The following FGF14 variants were observed in gnomAD, a reference collection of about 807,000 sequenced individuals.
FGF14 encodes fibroblast growth factor 14.
Under a neutral mutation model 25.5 loss-of-function variants are expected in FGF14, and 5 were observed. That is an observed-to-expected ratio of 0.20 (90% confidence interval 0.10 to 0.41). The LOEUF is 0.41. Ranked by LOEUF, FGF14 falls within the 10% of genes least tolerant of loss-of-function variation. The probability of loss-of-function intolerance (pLI) is 1.00; values close to 1 mark genes in which losing one functional copy is unlikely to be tolerated. For missense variants in FGF14, 222 were observed against 320.1 expected, an observed-to-expected ratio of 0.69 and a Z score of 2.34; for synonymous variants, 138 against 118.3, an observed-to-expected ratio of 1.17 and a Z score of -1.08.
intron 1 of FGF14, among the ~76,000 whole-genome samples, chr13:101,896,762 T>C (rs2030746342): frequency 6.6e-6 from 1 of 152,174 alleles, no homozygotes; most frequent in Non-Finnish European, 1.5e-5. Context: ...AATGATGCAA[T>C]GCTGCATCAA....
chr13:101,733,928 A>G (rs1023795843), intron 3 of FGF14, among the ~76,000 whole-genome samples: 1 of 151,582 alleles, frequency 6.6e-6, no homozygotes, highest in African/African-American at 2.4e-5. Context: ...TTTGATTTGA[A>G]TTTTCACTTA....
intron 3 of FGF14, among the ~76,000 whole-genome samples, chr13:101,855,903 G>GTT (rs11446357): frequency 0.27 from 39,057 of 147,278 alleles, 6,283 homozygotes; most frequent in South Asian, 0.38. Context: ...ATTCCTACAA[G>GTT]TTTTTTTTTT....
intron 1 of FGF14, among the ~76,000 whole-genome samples, chr13:101,969,152 G>A (rs898349314): frequency 3.3e-5 from 5 of 152,292 alleles, no homozygotes; most frequent in African/African-American, 1.2e-4. Flanking sequence ...GGACTGCCTA[G>A]GTCTTCATAA....
chr13:102,275,317 T>G (rs1254896498), intron 1 of FGF14, among the ~76,000 whole-genome samples: 1 of 149,536 alleles, frequency 6.7e-6, no homozygotes, highest in Non-Finnish European at 1.5e-5. Flanking sequence ...GGGGTCATAT[T>G]TGTTTTGGTA....
At chr13:101,828,563 T>C (rs993921343) in intron 3 of FGF14, among the ~76,000 whole-genome samples, 2 of 151,728 alleles carry the variant, frequency 1.3e-5, no homozygotes, top group Non-Finnish European at 2.9e-5. Flanking sequence ...AGTTTCCAAA[T>C]TGAAGACTGA....
chr13:102,079,047 C>T (rs2043496424), intron 1 of FGF14, among the ~76,000 whole-genome samples: 1 of 152,176 alleles, frequency 6.6e-6, no homozygotes, highest in Admixed American at 6.5e-5. Flanking sequence ...ATTTAGGTTG[C>T]AGTCAGAGCT....
At chr13:101,819,244 AAAG>A (rs2041994161) in intron 3 of FGF14, among the ~76,000 whole-genome samples, 1 of 152,194 alleles carries the variant, frequency 6.6e-6, no homozygotes, top group South Asian at 2.1e-4. Context: ...TAAATCATCT[AAAG>A]AAGGGCAGCA....
At chr13:102,018,829 T>C (rs2040485684) in intron 1 of FGF14, among the ~76,000 whole-genome samples, 1 of 152,160 alleles carries the variant, frequency 6.6e-6, no homozygotes, top group Non-Finnish European at 1.5e-5. Flanking sequence ...TTTTTTAAAA[T>C]GAGCTACATC....
chr13:102,201,547 A>G (rs2049652067), intron 1 of FGF14, among the ~76,000 whole-genome samples: 1 of 152,202 alleles, frequency 6.6e-6, no homozygotes, highest in South Asian at 2.1e-4. Flanking sequence ...AATCGTCTCC[A>G]GGGCAGATAA....
At chr13:102,070,874 A>G (rs2043125680) in intron 1 of FGF14, among the ~76,000 whole-genome samples, 1 of 152,186 alleles carries the variant, frequency 6.6e-6, no homozygotes, top group Admixed American at 6.5e-5. Flanking sequence ...ATGAAGCCGA[A>G]ACTACAACAA....
chr13:102,195,394 A>G (rs2140848162), intron 1 of FGF14, among the ~76,000 whole-genome samples: 1 of 152,292 alleles, frequency 6.6e-6, no homozygotes. Context: ...AATTTTATAT[A>G]CCACTGACAT....
intron 1 of FGF14, among the ~76,000 whole-genome samples, chr13:101,929,516 T>C (rs1054045246): frequency 4.6e-5 from 7 of 152,160 alleles, no homozygotes; most frequent in Non-Finnish European, 8.8e-5. Context: ...TAGAACCAGC[T>C]GAGGTAATAA....
At chr13:102,395,187 G>T (rs1304944376) in intron 1 of FGF14, 1 of 152,222 alleles carries the variant, frequency 6.6e-6, no homozygotes, top group Non-Finnish European at 1.5e-5. Flanking sequence ...CTTTACTAAT[G>T]AGAGTTCCAG....
chr13:101,809,370 A>G (rs770598750), intron 3 of FGF14, among the ~76,000 whole-genome samples: 5 of 152,122 alleles, frequency 3.3e-5, no homozygotes, highest in Non-Finnish European at 7.4e-5. Context: ...CTCATGTCCT[A>G]TCTGTAGATG....
intron 1 of FGF14, among the ~76,000 whole-genome samples, chr13:102,124,719 A>G (rs1020980233): frequency 1.3e-5 from 2 of 151,972 alleles, no homozygotes; most frequent in Non-Finnish European, 2.9e-5. Flanking sequence ...GAGGCTTCCA[A>G]TGTTTTCCTT....
intron 2 of FGF14, among the ~76,000 whole-genome samples, chr13:101,872,202 T>A (rs2045133109): frequency 1.3e-5 from 2 of 151,854 alleles, no homozygotes; most frequent in East Asian, 2.0e-4. Context: ...TTAAAATTAT[T>A]TTTGCTAGTT....
intron 1 of FGF14, among the ~76,000 whole-genome samples, chr13:102,299,493 A>G (rs1329293004): frequency 2.0e-5 from 3 of 152,090 alleles, no homozygotes; most frequent in African/African-American, 4.8e-5. Flanking sequence ...CGATCATACT[A>G]TTGTCAGAAA....
At chr13:101,980,995 ACTTT>A (rs2038214760) in intron 1 of FGF14, among the ~76,000 whole-genome samples, 1 of 150,980 alleles carries the variant, frequency 6.6e-6, no homozygotes, top group Non-Finnish European at 1.5e-5. Flanking sequence ...TAATCCTAAG[ACTTT>A]GGGAGGCTGA....
chr13:101,966,873 T>C (rs139767214), intron 1 of FGF14, among the ~76,000 whole-genome samples: 1 of 152,288 alleles, frequency 6.6e-6, no homozygotes, highest in East Asian at 1.9e-4. Flanking sequence ...CAGTTCGTTA[T>C]TGTTTGGCGA....
Sources: allele counts gnomAD v4.1 joint callset (sites outside exome capture counted in the v4.1 genomes callset), GRCh38; gene constraint gnomAD v4.1.1; transcripts MANE v1.5; gene names NCBI Gene and HGNC (gene_info 2026-07-23, HGNC 2026-07-21).